The following TRIM55 variants were observed in gnomAD, a reference collection of about 807,000 sequenced individuals.
The protein encoded by TRIM55 is tripartite motif containing 55.
In TRIM55, 50 loss-of-function variants were observed where a neutral mutation model predicts 60.9. The ratio of observed to expected loss-of-function variants is 0.82; its 90% confidence interval spans 0.65 to 1.04. The LOEUF (loss-of-function observed/expected upper bound fraction) is 1.04. TRIM55 is among the 50% of genes least tolerant of loss of function. The pLI is 0.00. For synonymous variants in TRIM55, 237 were observed against 238.1 expected (o/e 1.00, Z 0.04); for missense variants, 681 against 666.9 (o/e 1.02, Z -0.23).
chr8:66,131,681 T>G (rs1809167212), intron 2 of TRIM55, among the ~76,000 whole-genome samples: 1 of 152,224 alleles, frequency 6.6e-6, no homozygotes. Context: ...TCTCCCAGTC[T>G]GTCACCGCCT....
chr8:66,135,852 G>A (rs1286624858), intron 3 of TRIM55, among the ~76,000 whole-genome samples: 1 of 152,096 alleles, frequency 6.6e-6, no homozygotes, highest in Non-Finnish European at 1.5e-5. Flanking sequence ...TTCATGAGCA[G>A]GTCAGAATTT....
the TRIM55 span, among the ~76,000 whole-genome samples, chr8:66,117,149 C>A: frequency 8.5e-5 from 13 of 152,300 alleles, no homozygotes; most frequent in Admixed American, 7.8e-4. Flanking sequence ...ACTTATTCAA[C>A]CTGATGAAGG....
At position 66,162,817 on chromosome 8, in the gene TRIM55, C is replaced by T. The variant is rs576303061; in HGVS notation, c.1524+8483C>T. ...TCCCATTTAAGAAAACTTTGCTTAA[C>T]TCAAAATTACAAAGATTTCTCCAAT... On this transcript the variant is annotated intron_variant, in intron 9 of 9. Transcript: ENST00000315962. Among the ~76,000 whole-genome samples, 570 of 152,158 alleles carry T rather than the reference C, an allele frequency of 3.7e-3. 2 individuals are homozygous for T. Among genetic ancestry groups the T allele is most frequent in the Middle Eastern group, 0.017 (5 of 294 alleles).
chr8:66,170,864 T>C (rs1000456739), intron 9 of TRIM55, among the ~76,000 whole-genome samples: 2 of 152,220 alleles, frequency 1.3e-5, no homozygotes, highest in African/African-American at 4.8e-5. Context: ...TCAAGCAACA[T>C]TATTCACAAT....
At chr8:66,113,422 A>G in the TRIM55 span, 3 of 437,796 alleles carry the variant, frequency 6.9e-6, no homozygotes, top group African/African-American at 2.0e-5. Flanking sequence ...TCAGCAGGAG[A>G]CATCCTTAGG....
intron 2 of TRIM55, among the ~76,000 whole-genome samples, chr8:66,130,149 T>C (rs1809054008): frequency 6.6e-6 from 1 of 152,230 alleles, no homozygotes; most frequent in Admixed American, 6.5e-5. Flanking sequence ...AAACTTGCAG[T>C]ATTGGTAAAA....
chr8:66,145,879 G>C (rs1453373074), intron 4 of TRIM55, among the ~76,000 whole-genome samples: 5 of 152,150 alleles, frequency 3.3e-5, no homozygotes, highest in Non-Finnish European at 1.5e-5. Flanking sequence ...CTTAAAATAT[G>C]GGCCCAGCTG....
At chr8:66,146,493 T>C (rs1486445916) in intron 4 of TRIM55, among the ~76,000 whole-genome samples, 1 of 152,246 alleles carries the variant, frequency 6.6e-6, no homozygotes. Flanking sequence ...TTGAATGTTC[T>C]CACATATTAA....
upstream of TRIM55, among the ~76,000 whole-genome samples, chr8:66,123,624 G>A (rs1327802642): frequency 1.3e-5 from 2 of 152,202 alleles, no homozygotes; most frequent in Non-Finnish European, 2.9e-5. Context: ...GGGAGGCCAA[G>A]GCAGGAGGAT....
rs1808938820 is a variant in TRIM55, at chr8:66,128,284, T to C, written c.169-20T>C. 6.4e-7 allele frequency: 1 copy of C among 1,559,564 alleles called. No individual in the cohort carries two copies. Among genetic ancestry groups the C allele is most frequent in the South Asian group, 1.2e-5 (1 of 84,220 alleles). On this transcript the variant is annotated intron_variant, in intron 1 of 9. Coordinates refer to ENST00000315962, the MANE Select transcript of TRIM55 (RefSeq NM_184085.2). The stretch of plus-strand genomic sequence containing the variant: ...CTTGTGGCATTACCCAATTCCTTTT[T>C]TCTTACTTGGCAAGAACAGGCCTCT...
At chr8:66,140,485 A>G (rs1446735170) in intron 4 of TRIM55, among the ~76,000 whole-genome samples, 1 of 152,262 alleles carries the variant, frequency 6.6e-6, no homozygotes, top group Admixed American at 6.5e-5. Flanking sequence ...TCAAAGCCCC[A>G]TGGAGGTCTC....
At chr8:66,148,968 GA>G (rs1810254933) in intron 4 of TRIM55, among the ~76,000 whole-genome samples, 1 of 152,184 alleles carries the variant, frequency 6.6e-6, no homozygotes, top group South Asian at 2.1e-4. Flanking sequence ...AGAATTGCCT[GA>G]ACCTGGGAGG....
In TRIM55 at chr8:66,128,388, G is replaced by A. The variant is rs771441970; in HGVS notation, c.253G>A (p.Val85Met). ...RFRCPSCRHE[V>M]VLDRHGVYGL... Reference sequence around the variant, plus strand: ...CCGCTGCCCATCCTGTAGACATGAAGTGGTTTTGGATAGACATGGGGTATA... The same window carrying A: ...CCGCTGCCCATCCTGTAGACATGAAATGGTTTTGGATAGACATGGGGTATA... The change falls in exon 2 of 10, where the codon GTG becomes ATG. Residue 85 changes from valine to methionine, a missense_variant. Physicochemically the swap from Val to Met is conservative, Grantham distance 21. Coordinates refer to ENST00000315962, the MANE Select transcript of TRIM55 (RefSeq NM_184085.2). 1 of 1,613,762 alleles carries A rather than the reference G, an allele frequency of 6.2e-7. No homozygotes were observed. Among genetic ancestry groups the A allele is most frequent in the East Asian group, 2.2e-5 (1 of 44,882 alleles).
chr8:66,158,270 A>G (rs564766100), intron 9 of TRIM55, among the ~76,000 whole-genome samples: 10 of 152,126 alleles, frequency 6.6e-5, no homozygotes, highest in Non-Finnish European at 1.2e-4. Context: ...TTCTCCCTCT[A>G]TATAGAACCA....
chr8:66,158,426 G>C (rs1810870519), intron 9 of TRIM55, among the ~76,000 whole-genome samples: 1 of 152,126 alleles, frequency 6.6e-6, no homozygotes. Context: ...AAATTGGGTA[G>C]AAATTTTGCC....
intron 2 of TRIM55, among the ~76,000 whole-genome samples, chr8:66,132,833 TGGGAAA>T (rs1809243611): frequency 6.6e-6 from 1 of 152,146 alleles, no homozygotes. Flanking sequence ...ATGAGGAATA[TGGGAAA>T]TTGTTCTCAG....
At chr8:66,127,062 G>A, upstream of TRIM55, 1 of 484,458 alleles carries the variant, frequency 2.1e-6, no homozygotes, top group South Asian at 3.1e-5. Flanking sequence ...TGGCTTATAT[G>A]GACACGTCAG....
chr8:66,149,514 T>C (rs527956794), intron 4 of TRIM55, 131 bp from the exon 5 acceptor site: 17 of 700,372 alleles, frequency 2.4e-5, no homozygotes, highest in Admixed American at 1.1e-4. Context: ...CATACCTAAA[T>C]AGACATCTTC....
At chr8:66,155,852 T>C (rs910057163) in intron 9 of TRIM55, 1 of 643,098 alleles carries the variant, frequency 1.6e-6, no homozygotes, top group Non-Finnish European at 2.7e-6. Context: ...CAGATTATAC[T>C]GGAGGCCTCA....
Sources: allele counts gnomAD v4.1 joint callset (sites outside exome capture counted in the v4.1 genomes callset), GRCh38; gene constraint gnomAD v4.1.1; transcripts MANE v1.5; gene names NCBI Gene and HGNC (gene_info 2026-07-23, HGNC 2026-07-21).